PAX7: variants seen among roughly 807,000 people sequenced by gnomAD.
PAX7 encodes the protein paired box protein Pax-7.
Under a neutral mutation model 50.7 loss-of-function variants are expected in PAX7, and 18 were observed. The observed-to-expected ratio is 0.36, with a 90% CI of 0.25 to 0.53. The LOEUF is 0.53. PAX7 is among the 20% of genes least tolerant of loss of function. PAX7 has a pLI of 0.93. For missense variants in PAX7, 644 were observed against 702.9 expected, an observed-to-expected ratio of 0.92 and a Z score of 0.95; for synonymous variants, 310 against 290.4, an observed-to-expected ratio of 1.07 and a Z score of -0.69.
At position 18,747,998 on chromosome 1, in the gene PAX7, G is replaced by T. The variant is rs971469606; in HGVS notation, c.*3069G>T. 2 of 202,300 alleles carry T rather than the reference G, an allele frequency of 9.9e-6. No homozygotes were observed. The highest frequency in any genetic ancestry group is 4.6e-5 in the African/African-American group (2 of 43,590). The allele number at this position is 202,300 out of a possible 1,614,324, so 12.5% of individuals were successfully genotyped here. On this transcript the variant is annotated 3_prime_UTR_variant, in exon 9 of 9. Coordinates refer to ENST00000420770, the MANE Select transcript of PAX7 (RefSeq NM_001135254.2). ...CTCTCTTGCTATATAAAGAAAAAAAGAAGTGATGTGTAAGAACCAAGCTAT... is the reference window on the plus strand; with the variant it reads ...CTCTCTTGCTATATAAAGAAAAAAATAAGTGATGTGTAAGAACCAAGCTAT...
intron 4 of PAX7, among the ~76,000 whole-genome samples, chr1:18,645,408 G>C (rs2088323291): frequency 1.3e-5 from 2 of 152,356 alleles, no homozygotes; most frequent in South Asian, 4.1e-4. Flanking sequence ...GGCGGCGGGC[G>C]CGATAAGTAG....
chr1:18,703,013 C>A, intron 6 of PAX7, 81 bp from the exon 7 acceptor site: 1 of 1,301,486 alleles, frequency 7.7e-7, no homozygotes, highest in South Asian at 1.2e-5. Context: ...GGAGGAGTCT[C>A]TTGGCTTGCC....
At chr1:18,661,742 A>G (rs1241502970) in intron 4 of PAX7, among the ~76,000 whole-genome samples, 1 of 152,224 alleles carries the variant, frequency 6.6e-6, no homozygotes. Context: ...CCCTCGGCCA[A>G]CTGGGCCTGG....
intron 4 of PAX7, among the ~76,000 whole-genome samples, chr1:18,667,071 G>T (rs1023808424): frequency 6.6e-6 from 1 of 152,048 alleles, no homozygotes; most frequent in South Asian, 2.1e-4. Flanking sequence ...ACAGTTCTTC[G>T]TTTGGTCTGA....
At chr1:18,650,358 C>T (rs557366067) in intron 4 of PAX7, among the ~76,000 whole-genome samples, 7 of 152,344 alleles carry the variant, frequency 4.6e-5, no homozygotes, top group East Asian at 1.9e-4. Context: ...AGTCCCTGCC[C>T]GGCTTGCTGT....
intron 4 of PAX7, among the ~76,000 whole-genome samples, chr1:18,652,059 GC>G (rs1276257119): frequency 1.3e-5 from 2 of 151,996 alleles, no homozygotes; most frequent in East Asian, 3.9e-4. Context: ...AGGCTCACCG[GC>G]CCCCTGGCAG....
intron 7 of PAX7, among the ~76,000 whole-genome samples, chr1:18,728,401 T>C (rs1196703770): frequency 6.6e-6 from 1 of 152,070 alleles, no homozygotes. Context: ...AATGTGTGTG[T>C]CTTCCTGCAT....
At position 18,634,040 on chromosome 1, in the gene PAX7, G is replaced by A. The variant is rs1052987992; in HGVS notation, c.86-263G>A. ...GTGTGTCCTCATCCCTCGTAGTGTG[G>A]CAGGAGTTGGGGGACACAGCATCTG... is the stretch of plus-strand genomic sequence containing the variant. On this transcript the variant is annotated intron_variant, in intron 1 of 8. Coordinates refer to ENST00000420770, the MANE Select transcript of PAX7 (RefSeq NM_001135254.2). This position sits in a 1 kb window ranked among gnomAD's most constrained non-coding sequence, Gnocchi z 4.0. 1.3e-5 allele frequency among the ~76,000 whole-genome samples: 2 copies of A among 152,164 alleles called. No homozygotes were observed. Among genetic ancestry groups the A allele is most frequent in the African/African-American group, 2.4e-5 (1 of 41,434 alleles).
chr1:18,711,842 G>T (rs9439727), intron 7 of PAX7, among the ~76,000 whole-genome samples: 4,012 of 152,244 alleles, frequency 0.026, 173 homozygotes, highest in African/African-American at 0.091. Flanking sequence ...TCCGTGGCTG[G>T]ATCTTCTTGG....
chr1:18,648,000 A>C (rs1383056192), intron 4 of PAX7, among the ~76,000 whole-genome samples: 1 of 152,228 alleles, frequency 6.6e-6, no homozygotes, highest in African/African-American at 2.4e-5. Flanking sequence ...CCTGGAGCCC[A>C]GTAGACACTG....
intron 4 of PAX7, among the ~76,000 whole-genome samples, chr1:18,657,396 T>A (rs2100470111): frequency 6.6e-6 from 1 of 151,146 alleles, no homozygotes; most frequent in South Asian, 2.1e-4. Context: ...CGCCTCCACC[T>A]TCCATGAAAA....
At chr1:18,705,181 C>CAG (rs1048724893) in intron 7 of PAX7, among the ~76,000 whole-genome samples, 74 of 152,338 alleles carry the variant, frequency 4.9e-4, no homozygotes, top group African/African-American at 1.6e-3. Context: ...ACATGGAATA[C>CAG]AGCCTGTCGG....
intron 4 of PAX7, among the ~76,000 whole-genome samples, chr1:18,674,632 A>G (rs539879233): frequency 2.6e-5 from 4 of 152,280 alleles, no homozygotes; most frequent in African/African-American, 9.6e-5. Context: ...CACCCTTCCC[A>G]TGTGAAAAAG....
chr1:18,714,132 C>T (rs980914353), intron 7 of PAX7, among the ~76,000 whole-genome samples: 8 of 151,974 alleles, frequency 5.3e-5, no homozygotes, highest in Admixed American at 2.0e-4. Flanking sequence ...GCTTGGACCC[C>T]GGAGGCGGGG....
rs182803926 is a variant in PAX7, at chr1:18,677,975, C to T, written c.587-13779C>T. On this transcript the variant is annotated intron_variant, in intron 4 of 8. Coordinates refer to ENST00000420770, the MANE Select transcript of PAX7 (RefSeq NM_001135254.2). ...CATTCTCCTGTAGTCCCAGCTACTC[C>T]GGAGGCTGAGGCAGGAGAAATGCTT... is the stretch of plus-strand genomic sequence containing the variant. 3.2e-3 allele frequency among the ~76,000 whole-genome samples: 477 copies of T among 151,130 alleles called. 1 individual carries two copies. The highest frequency in any genetic ancestry group is 0.011 in the African/African-American group (455 of 41,126).
At chr1:18,709,184 G>A (rs1045762958) in intron 7 of PAX7, among the ~76,000 whole-genome samples, 8 of 152,088 alleles carry the variant, frequency 5.3e-5, no homozygotes, top group Non-Finnish European at 4.4e-5. Flanking sequence ...AATCTCCCCC[G>A]AGATTTTCTG....
intron 4 of PAX7, among the ~76,000 whole-genome samples, chr1:18,671,455 C>G (rs1311862364): frequency 1.3e-5 from 2 of 152,208 alleles, no homozygotes. Flanking sequence ...AGAGGGCAGA[C>G]AGCCGAGCCT....
chr1:18,644,843 C>T (rs556291609), intron 4 of PAX7, among the ~76,000 whole-genome samples: 12 of 152,252 alleles, frequency 7.9e-5, no homozygotes, highest in African/African-American at 2.6e-4. Flanking sequence ...TTACCTATAC[C>T]ACCCAAAAGA....
rs558497804 is a variant in PAX7 at position 18,746,601 on chromosome 1, A to G, written c.*1672A>G. The stretch of plus-strand genomic sequence containing the variant: ...GCACTGAATTCACAAACATTGGACC[A>G]AACTGTTTGTCCCCATCTGGGTTCA... On this transcript the variant is annotated 3_prime_UTR_variant, in exon 9 of 9. Transcript: ENST00000420770. The G allele has an allele frequency of 4.3e-6, 1 of 231,274 alleles. No homozygotes were observed. The highest frequency in any genetic ancestry group is 2.2e-5 in the African/African-American group (1 of 45,222). 14.3% of individuals were successfully genotyped at this position (231,274 alleles called of 1,614,324 possible).
Sources: allele counts gnomAD v4.1 joint callset (sites outside exome capture counted in the v4.1 genomes callset), GRCh38; gene constraint gnomAD v4.1.1; non-coding constraint Gnocchi (gnomAD v3.1); transcripts MANE v1.5; gene names NCBI Gene and HGNC (gene_info 2026-07-23, HGNC 2026-07-21).